Variants in UNC45B observed in about 807,000 individuals in gnomAD.
The protein encoded by UNC45B is unc-45 myosin chaperone B, also known as protein unc-45 homolog B.
Under a neutral mutation model 98.7 loss-of-function variants are expected in UNC45B, and 78 were observed. The ratio of observed to expected loss-of-function variants is 0.79; its 90% CI spans 0.66 to 0.95. UNC45B has a LOEUF of 0.95. Among genes scored for constraint, UNC45B ranks in the 40% least tolerant of loss-of-function variants. UNC45B has a pLI of 0.00. For missense variants in UNC45B, 1,225 were observed against 1,184.9 expected (o/e 1.03, Z -0.50); for synonymous variants, 462 against 480.4 (o/e 0.96, Z 0.50).
rs758911674 is a variant in UNC45B, at chr17:35,180,663, T to C, written c.2360T>C (p.Val787Ala). The C allele has an allele frequency of 1.9e-6, 3 of 1,611,072 alleles. No homozygotes were observed. The African/African-American group carries it at 4.0e-5, about 22-fold the overall frequency. Residue 787 changes from valine (V) to alanine (A), a missense_variant, in exon 18 of 20, where the codon GTG (valine) becomes GCG (alanine). Physicochemically the swap from Val to Ala is moderately conservative, Grantham distance 64. Coordinates refer to ENST00000394570, the MANE Select transcript of UNC45B (RefSeq NM_001267052.2). The stretch of plus-strand genomic sequence containing the variant: ...GCCACCGAGTGCATGTGCAACATGG[T>C]GCTCCACAAGGAGGTGAGGCAGGGG... The part of the protein sequence containing the change: ...QAATECMCNM[V>A]LHKEVQERFL...
chr17:35,164,300 G>A (rs2092123479), intron 9 of UNC45B, 134 bp downstream of exon 9: 9 of 1,069,256 alleles, frequency 8.4e-6, no homozygotes, highest in Non-Finnish European at 1.2e-5. Flanking sequence ...ATTTGGGAGT[G>A]GTTTGGCTGG....
intron 8 of UNC45B, among the ~76,000 whole-genome samples, chr17:35,159,923 T>A (rs755604150): frequency 1.3e-5 from 2 of 152,066 alleles, no homozygotes; most frequent in Admixed American, 6.6e-5. Flanking sequence ...TAAAGCACAG[T>A]GAGAATGTTT....
chr17:35,168,007 C>T, intron 9 of UNC45B, 54 bp from the exon 10 acceptor site: 1 of 1,383,018 alleles, frequency 7.2e-7, no homozygotes, highest in Non-Finnish European at 9.5e-7. Flanking sequence ...AAATCTCACA[C>T]TCTTTCCACT....
At chr17:35,171,163 C>T (rs1277136748) in intron 12 of UNC45B, among the ~76,000 whole-genome samples, 159 bp from the exon 13 acceptor site, 4 of 152,140 alleles carry the variant, frequency 2.6e-5, no homozygotes, top group Non-Finnish European at 5.9e-5. Flanking sequence ...TGGGGAGAAC[C>T]GTTCCTCTCC....
chr17:35,156,583 A>C (rs1304734467), intron 7 of UNC45B, among the ~76,000 whole-genome samples: 2 of 152,112 alleles, frequency 1.3e-5, no homozygotes, highest in African/African-American at 2.4e-5. Flanking sequence ...CCGAGATTGC[A>C]CCACTGCACT....
At chr17:35,183,608 C>T (rs374527796) in intron 19 of UNC45B, 26 bp downstream of exon 19, 78 of 1,484,856 alleles carry the variant, frequency 5.3e-5, no homozygotes, top group African/African-American at 5.1e-4. Flanking sequence ...GGGGATAGGA[C>T]GGGCTGGGTG....
rs73290663 is a variant in UNC45B, at chr17:35,174,139, T to C, written c.1831-103T>C. On this transcript the variant is annotated intron_variant, in intron 13 of 19. Coordinates refer to ENST00000394570, the MANE Select transcript of UNC45B (RefSeq NM_001267052.2). ...CCATGGACATCTTTGGAGGCCATTA[T>C]TCAACCAACCCCAAGAATTCAGAAA... 587 of 1,521,600 alleles carry C rather than the reference T, an allele frequency of 3.9e-4. 1 individual carries two copies. In the African/African-American group the frequency reaches 7.3e-3, roughly 19 times the overall value. 94.3% of individuals were successfully genotyped at this position (1,521,600 alleles called of 1,614,324 possible).
At position 35,185,812 on chromosome 17, in the gene UNC45B, A is replaced by G. The variant is rs1464116950; in HGVS notation, c.2530-487A>G. Among the ~76,000 whole-genome samples the G allele has an allele frequency of 3.9e-5, 6 of 152,178 alleles. No individual in the cohort carries two copies. The East Asian group carries it at 5.8e-4, about 15-fold the overall frequency. On this transcript the variant is annotated intron_variant, in intron 19 of 19. Coordinates refer to ENST00000394570, the MANE Select transcript of UNC45B (RefSeq NM_001267052.2). ...AGGCCATATGGTTGGTAGCGTGACCATAACTAAGTTATGCTGATTCCTTTA... is the reference window on the plus strand; with the variant it reads ...AGGCCATATGGTTGGTAGCGTGACCGTAACTAAGTTATGCTGATTCCTTTA...
rs2092153280 is a variant in UNC45B at position 35,168,044 on chromosome 17, C to T, written c.1152-17C>T. The T allele has an allele frequency of 6.8e-7, 1 of 1,474,884 alleles. No individual in the cohort carries two copies. The highest frequency in any genetic ancestry group is 1.5e-5 in the South Asian group (1 of 67,366). The allele number at this position is 1,474,884 out of a possible 1,614,324, so 91.4% of individuals were successfully genotyped here. On this transcript the variant is annotated splice_polypyrimidine_tract_variant and intron_variant, in intron 9 of 19. Coordinates refer to ENST00000394570, the MANE Select transcript of UNC45B (RefSeq NM_001267052.2). ...TCTTGGACCAGTTCTCTTGACCACC[C>T]TTGTCCTTTGTTTTAGGGGCAAGTT...
rs577521659 is a variant in UNC45B, at chr17:35,178,146, C to T, written c.2255+536C>T. Reference sequence around the variant, plus strand: ...AACTCGTGACCTCAGGTGATCTGCCCGCCTTGGTCTCCCAAAGTGCTTGGA... The same window carrying T: ...AACTCGTGACCTCAGGTGATCTGCCTGCCTTGGTCTCCCAAAGTGCTTGGA... On this transcript the variant is annotated intron_variant, in intron 17 of 19. Coordinates refer to ENST00000394570, the MANE Select transcript of UNC45B (RefSeq NM_001267052.2). Among the ~76,000 whole-genome samples the T allele has an allele frequency of 6.6e-5, 10 of 152,246 alleles. No homozygotes were observed. The South Asian group carries it at 1.2e-3, about 19-fold the overall frequency.
chr17:35,177,242 C>CCCTCCGTGTG, intron 16 of UNC45B, 112 bp downstream of exon 16: 1 of 1,035,688 alleles, frequency 9.7e-7, no homozygotes, highest in Non-Finnish European at 1.4e-6. Context: ...GGTGCTGTCA[C>CCCTCCGTGTG]ACGGAGGGTG....
chr17:35,186,317 A>T lies in UNC45B; in HGVS notation c.2548A>T (p.Ile850Phe). 1 of 1,613,970 alleles carries T rather than the reference A, an allele frequency of 6.2e-7. No individual in the cohort carries two copies. The stretch of plus-strand genomic sequence containing the variant: ...CCTCCAGACAACCCAGTGGTTGGAG[A>T]TCCTCCAGCGGCTTTGCCTGCACGA... ...MTQVTTQWLE[I>F]LQRLCLHDQL... The change falls in exon 20 of 20, where the codon ATC (isoleucine) becomes TTC (phenylalanine). Residue 850 changes from isoleucine (I) to phenylalanine (F), a missense_variant. Ile to Phe is a conservative substitution (Grantham distance 21, BLOSUM62 0). Transcript: ENST00000394570.
chr17:35,163,555 G>A (rs769175028), intron 8 of UNC45B, among the ~76,000 whole-genome samples: 7 of 152,172 alleles, frequency 4.6e-5, no homozygotes, highest in Non-Finnish European at 1.0e-4. Context: ...TCATAGTAGT[G>A]TGTCTGGATT....
chr17:35,157,297 T>C (rs1019887539), intron 7 of UNC45B, among the ~76,000 whole-genome samples: 1 of 152,156 alleles, frequency 6.6e-6, no homozygotes, highest in African/African-American at 2.4e-5. Flanking sequence ...TGGAGTGCGG[T>C]GGCACGATCT....
At chr17:35,150,623 C>G (rs1218371074) in intron 4 of UNC45B, among the ~76,000 whole-genome samples, 1 of 152,024 alleles carries the variant, frequency 6.6e-6, no homozygotes. Flanking sequence ...GGTGGGGGCG[C>G]CTGTAATCCC....
chr17:35,153,763 G>A (rs1170436860), intron 5 of UNC45B, among the ~76,000 whole-genome samples: 4 of 144,984 alleles, frequency 2.8e-5, no homozygotes, highest in African/African-American at 1.0e-4. Context: ...TGATGGTTCT[G>A]GTCACGCTTG....
Position 35,168,226 on chromosome 17 carries a change from G to C in UNC45B, c.1317G>C (p.Leu439=). The C allele has an allele frequency of 1.3e-6, 2 of 1,591,514 alleles. No homozygotes were observed. The highest frequency in any genetic ancestry group is 1.7e-6 in the Non-Finnish European group (2 of 1,168,088). The change falls in exon 10 of 20, where the codon CTG becomes CTC. Residue 439 remains leucine, a synonymous_variant. Transcript: ENST00000394570. The stretch of plus-strand genomic sequence containing the variant: ...GCTCAGAGCGCGAGACGGACCAGCT[G>C]GTGGCCGTGGAGGCCCTCATCCATG... ...LCGSERETDQ[L]VAVEALIHAS...
chr17:35,175,918 G>A lies in UNC45B; in HGVS notation c.1959-50G>A, dbSNP rs11657816. On this transcript the variant is annotated intron_variant, in intron 14 of 19. Coordinates refer to ENST00000394570, the MANE Select transcript of UNC45B (RefSeq NM_001267052.2). ...GCTGGCCTGCTGCTGCTGCTGCCTG[G>A]GAAGGTGTGCTGGTGTATTAACTGT... The A allele has an allele frequency of 0.38, 598,105 of 1,562,490 alleles. 117,222 individuals are homozygous for A. The highest frequency in any genetic ancestry group is 0.43 in the Middle Eastern group (2,376 of 5,468).
At chr17:35,180,454 G>A in intron 17 of UNC45B, 105 bp from the exon 18 acceptor site, 1 of 835,604 alleles carries the variant, frequency 1.2e-6, no homozygotes, top group East Asian at 2.5e-5. Flanking sequence ...GAGGATGTGG[G>A]AAGGACAGCA....
Sources: allele counts gnomAD v4.1 joint callset (sites outside exome capture counted in the v4.1 genomes callset), GRCh38; gene constraint gnomAD v4.1.1; transcripts MANE v1.5; gene names NCBI Gene and HGNC (gene_info 2026-07-23, HGNC 2026-07-21).